The following RASEF variants were observed in gnomAD, a reference collection of about 807,000 sequenced individuals.
The protein encoded by RASEF is RAS and EF-hand domain containing.
In RASEF, 68 loss-of-function variants were observed where a neutral mutation model predicts 90.1. The observed-to-expected ratio is 0.75, with a 90% confidence interval of 0.62 to 0.92. RASEF has a LOEUF of 0.92. RASEF is among the 40% of genes least tolerant of loss of function. The pLI is 0.00. For synonymous variants in RASEF, 331 were observed against 345.2 expected, an observed-to-expected ratio of 0.96 and a Z score of 0.46; for missense variants, 949 against 937.2, an observed-to-expected ratio of 1.01 and a Z score of -0.16.
At position 83,062,435 on chromosome 9, in the gene RASEF, A is replaced by T; in HGVS notation, c.431+2T>A. On this transcript the variant is annotated splice_donor_variant, in intron 1 of 16. Coordinates refer to ENST00000376447, the MANE Select transcript of RASEF (RefSeq NM_152573.4). LOFTEE classifies it high-confidence loss of function. The stretch of plus-strand genomic sequence containing the variant: ...CCTCCCGCCCCCAGCTCACACTCGC[A>T]CCTGGGAATGAACTTGGCTTCGTCC... The T allele has an allele frequency of 6.2e-7, 1 of 1,612,732 alleles. No homozygotes were observed. The highest frequency in any genetic ancestry group is 8.5e-7 in the Non-Finnish European group (1 of 1,179,544).
At chr9:83,107,353 A>C in the RASEF span, among the ~76,000 whole-genome samples, 1 of 152,214 alleles carries the variant, frequency 6.6e-6, no homozygotes, top group Non-Finnish European at 1.5e-5. Context: ...CAATTGTTCC[A>C]TCTCAAATGA....
At chr9:83,102,384 C>G in the RASEF span, among the ~76,000 whole-genome samples, 1 of 152,178 alleles carries the variant, frequency 6.6e-6, no homozygotes, top group African/African-American at 2.4e-5. Flanking sequence ...AAAGGCAAAA[C>G]CTCATCTTGC....
the RASEF span, among the ~76,000 whole-genome samples, chr9:83,125,815 C>T: frequency 9.2e-5 from 14 of 152,260 alleles, no homozygotes; most frequent in South Asian, 6.2e-4. Flanking sequence ...TCACTGTGTC[C>T]GTTGACATAT....
chr9:83,104,927 T>C, the RASEF span, among the ~76,000 whole-genome samples: 5 of 152,216 alleles, frequency 3.3e-5, no homozygotes, highest in African/African-American at 1.2e-4. Context: ...CAAAAGACCA[T>C]TTTACATCCC....
the RASEF span, among the ~76,000 whole-genome samples, chr9:83,130,194 G>C: frequency 6.6e-6 from 1 of 152,126 alleles, no homozygotes; most frequent in Non-Finnish European, 1.5e-5. Flanking sequence ...GGCTTTTCTG[G>C]ATAATCTCAT....
At chr9:83,121,954 A>G in the RASEF span, among the ~76,000 whole-genome samples, 6 of 152,254 alleles carry the variant, frequency 3.9e-5, no homozygotes, top group Non-Finnish European at 5.9e-5. Context: ...TGAGGAAAAT[A>G]ATAAGAATAC....
intron 15 of RASEF, 111 bp downstream of exon 15, chr9:82,992,795 A>G: frequency 9.4e-7 from 1 of 1,069,252 alleles, no homozygotes; most frequent in Non-Finnish European, 1.4e-6. Context: ...CAGACGGGGG[A>G]GGTTTGTCAA....
chr9:83,161,678 G>A, the RASEF span, among the ~76,000 whole-genome samples: 6 of 97,232 alleles, frequency 6.2e-5, no homozygotes, highest in Admixed American at 4.2e-4. Flanking sequence ...GATTTGGGAG[G>A]GGACAGGGGC....
intron 1 of RASEF, among the ~76,000 whole-genome samples, chr9:83,061,298 G>A (rs1830195996): frequency 1.3e-5 from 2 of 152,168 alleles, no homozygotes; most frequent in South Asian, 4.1e-4. Flanking sequence ...TTCCAAGCTG[G>A]AGGGAGAAGT....
the RASEF span, among the ~76,000 whole-genome samples, chr9:83,142,405 C>A: frequency 6.6e-6 from 1 of 152,172 alleles, no homozygotes; most frequent in African/African-American, 2.4e-5. Context: ...CAGTTGATTC[C>A]TCTGAATAAC....
At chr9:83,039,984 C>CA (rs1457492962) in intron 1 of RASEF, among the ~76,000 whole-genome samples, 2 of 152,024 alleles carry the variant, frequency 1.3e-5, no homozygotes, top group African/African-American at 4.8e-5. Flanking sequence ...GTAACTGAAT[C>CA]ACGGGGGCAG....
the RASEF span, among the ~76,000 whole-genome samples, chr9:83,120,520 T>A: frequency 6.6e-6 from 1 of 152,090 alleles, no homozygotes; most frequent in African/African-American, 2.4e-5. Context: ...CTCTAACCCA[T>A]CCAAATGGAC....
At chr9:83,146,523 A>G in the RASEF span, among the ~76,000 whole-genome samples, 1 of 152,204 alleles carries the variant, frequency 6.6e-6, no homozygotes, top group Non-Finnish European at 1.5e-5. Flanking sequence ...CAATTGATCC[A>G]TGAATGTCAA....
intron 1 of RASEF, among the ~76,000 whole-genome samples, chr9:83,056,111 A>T (rs1398662650): frequency 6.6e-6 from 1 of 152,208 alleles, no homozygotes; most frequent in Non-Finnish European, 1.5e-5. Flanking sequence ...CTGTTTTTAT[A>T]AGACATATAG....
the RASEF span, among the ~76,000 whole-genome samples, chr9:83,091,583 A>T: frequency 1.8e-3 from 279 of 152,314 alleles, 3 homozygotes; most frequent in East Asian, 0.04. Flanking sequence ...ATAATTTTTT[A>T]AAAAATGAAC....
the RASEF span, among the ~76,000 whole-genome samples, chr9:83,213,399 GAAA>G: frequency 9.6e-6 from 1 of 104,682 alleles, no homozygotes. Flanking sequence ...GACTTCATCT[GAAA>G]AAAAAAAAAA....
chr9:83,140,680 C>T, the RASEF span, among the ~76,000 whole-genome samples: 2 of 152,194 alleles, frequency 1.3e-5, no homozygotes, highest in South Asian at 2.1e-4. Context: ...AACATTTGAA[C>T]ATCAAAGAAA....
At chr9:83,184,473 T>G in the RASEF span, among the ~76,000 whole-genome samples, 1 of 152,190 alleles carries the variant, frequency 6.6e-6, no homozygotes, top group Non-Finnish European at 1.5e-5. Flanking sequence ...TTCCATCTTC[T>G]GCATCACACA....
the RASEF span, among the ~76,000 whole-genome samples, chr9:83,147,020 G>C: frequency 9.0e-6 from 1 of 111,336 alleles, no homozygotes; most frequent in Non-Finnish European, 1.8e-5. Context: ...ATGTGTGTGT[G>C]TGTGTGTGTA....
Sources: allele counts gnomAD v4.1 joint callset (sites outside exome capture counted in the v4.1 genomes callset), GRCh38; gene constraint gnomAD v4.1.1; transcripts MANE v1.5; gene names NCBI Gene and HGNC (gene_info 2026-07-23, HGNC 2026-07-21).